The following UPRT variants were observed in gnomAD, a reference collection of about 807,000 sequenced individuals.
UPRT encodes uracil phosphoribosyltransferase homolog.
UPRT carries 5 observed loss-of-function variants against 22.6 expected under a neutral mutation model. That is an observed-to-expected ratio of 0.22 (90% CI 0.12 to 0.47). UPRT has a LOEUF of 0.47. Among genes scored for constraint, UPRT ranks in the 20% least tolerant of loss-of-function variants. The pLI is 0.99. For synonymous variants in UPRT, 77 were observed against 87.7 expected, an observed-to-expected ratio of 0.88 and a Z score of 0.68; for missense variants, 181 against 239.9, an observed-to-expected ratio of 0.75 and a Z score of 1.62.
At chrX:75,164,923 C>T (rs1296280438) in intron 3 of UPRT, among the ~76,000 whole-genome samples, 1 of 111,661 alleles carries the variant, frequency 9.0e-6, no homozygotes, top group Non-Finnish European at 1.9e-5. Flanking sequence ...CACGAGGTTG[C>T]TGTGAGGTTC....
chrX:75,267,647 C>A (rs1287879377), intron 4 of UPRT, among the ~76,000 whole-genome samples: 1 of 112,023 alleles, frequency 8.9e-6, no homozygotes, highest in Non-Finnish European at 1.9e-5. Flanking sequence ...GAACAACCTC[C>A]TCCTGAATGA....
chrX:75,184,500 G>A (rs1410222128), intron 4 of UPRT, among the ~76,000 whole-genome samples: 13 of 104,926 alleles, frequency 1.2e-4, no homozygotes, highest in African/African-American at 2.1e-4. Context: ...TTGACTTGGC[G>A]ATGCGGGCTC....
intron 4 of UPRT, among the ~76,000 whole-genome samples, chrX:75,186,887 C>A (rs1176900909): frequency 9.0e-6 from 1 of 111,480 alleles, no homozygotes; most frequent in Admixed American, 9.6e-5. Context: ...AGATCTTCCT[C>A]CATCCCTTTA....
intron 4 of UPRT, among the ~76,000 whole-genome samples, chrX:75,263,242 T>A (rs891651786): frequency 9.0e-6 from 1 of 111,717 alleles, no homozygotes; most frequent in African/African-American, 3.3e-5. Context: ...ATAAAATGAG[T>A]TAGGGAGGAT....
chrX:75,175,763 A>G (rs1200738546), intron 4 of UPRT, among the ~76,000 whole-genome samples: 5 of 111,566 alleles, frequency 4.5e-5, no homozygotes, highest in Non-Finnish European at 9.4e-5. Flanking sequence ...CACACTGATA[A>G]CAAGCCCTAC....
upstream of UPRT, among the ~76,000 whole-genome samples, chrX:75,272,961 G>A (rs2082616513): frequency 8.9e-6 from 1 of 111,945 alleles, no homozygotes; most frequent in African/African-American, 3.2e-5. Context: ...TAAAGAAAAT[G>A]TGGTACATAT....
chrX:75,188,612 C>T (rs1457300802), intron 4 of UPRT, among the ~76,000 whole-genome samples: 1 of 112,565 alleles, frequency 8.9e-6, no homozygotes, highest in Non-Finnish European at 1.9e-5. Context: ...GCGGGCGCCC[C>T]TCCCCGAGCC....
chrX:75,190,037 T>C (rs1288863805), intron 4 of UPRT, among the ~76,000 whole-genome samples: 2 of 111,975 alleles, frequency 1.8e-5, no homozygotes, highest in Admixed American at 1.9e-4. Flanking sequence ...TAGCTAGTTA[T>C]TTTGCTCATT....
chrX:75,203,790 TAA>T (rs1396367545), intron 4 of UPRT, among the ~76,000 whole-genome samples: 2 of 111,926 alleles, frequency 1.8e-5, no homozygotes, highest in African/African-American at 6.5e-5. Flanking sequence ...CAGAATATGA[TAA>T]GAGGCAGGCT....
At position 75,183,432 on chromosome X, in the gene UPRT, T is replaced by C. The variant is rs187227202; in HGVS notation, c.-447+15553T>C. 7.1e-5 allele frequency among the ~76,000 whole-genome samples: 8 copies of C among 111,946 alleles called. 1 individual carries two copies. Among genetic ancestry groups the C allele is most frequent in the African/African-American group, 2.3e-4 (7 of 30,831 alleles). On this transcript the variant is annotated intron_variant, in intron 4 of 13. Coordinates refer to the UPRT transcript ENST00000652605. ...TAATCCAGTCTATCATTATTGGACA[T>C]ATGGGTTGGTTCCAAGTCTTCGCTA...
intron 4 of UPRT, among the ~76,000 whole-genome samples, chrX:75,230,419 A>G (rs1291276370): frequency 3.6e-5 from 4 of 111,576 alleles, no homozygotes. Flanking sequence ...CCTGGCCAAC[A>G]TAGGGCAAGA....
At chrX:75,284,040 T>A (rs975080989) in intron 1 of UPRT, among the ~76,000 whole-genome samples, 1 of 111,925 alleles carries the variant, frequency 8.9e-6, no homozygotes, top group African/African-American at 3.2e-5. Context: ...TTCAAATACC[T>A]TGTCTTCAAG....
At chrX:75,218,330 A>C (rs1404455198) in intron 4 of UPRT, among the ~76,000 whole-genome samples, 1 of 110,464 alleles carries the variant, frequency 9.1e-6, no homozygotes, top group African/African-American at 3.3e-5. Flanking sequence ...AATCAAAACC[A>C]CAATGAGATA....
chrX:75,213,935 A>G (rs754872418), intron 4 of UPRT, among the ~76,000 whole-genome samples: 1 of 112,202 alleles, frequency 8.9e-6, no homozygotes, highest in African/African-American at 3.2e-5. Context: ...CAGAAAATTA[A>G]TAAGGACCTA....
At chrX:75,262,306 C>T (rs1337122271) in intron 4 of UPRT, among the ~76,000 whole-genome samples, 3 of 111,395 alleles carry the variant, frequency 2.7e-5, no homozygotes, top group African/African-American at 9.8e-5. Context: ...GAAAGAACAA[C>T]CAGTGCCAGC....
At chrX:75,185,334 C>T (rs1415271526) in intron 4 of UPRT, among the ~76,000 whole-genome samples, 6 of 111,698 alleles carry the variant, frequency 5.4e-5, no homozygotes, top group South Asian at 3.8e-4. Flanking sequence ...TATTGATTTG[C>T]GTATATTGAA....
chrX:75,178,384 G>A (rs761247368), intron 4 of UPRT, among the ~76,000 whole-genome samples: 3 of 111,783 alleles, frequency 2.7e-5, no homozygotes, highest in South Asian at 3.8e-4. Context: ...AGCGATAGGC[G>A]ATGGTCTCAC....
chrX:75,302,930 G>A (rs1377963620), intron 6 of UPRT, among the ~76,000 whole-genome samples: 4 of 110,201 alleles, frequency 3.6e-5, no homozygotes, highest in Non-Finnish European at 7.6e-5. Flanking sequence ...TAATAGAGAT[G>A]GGGTGTTGCC....
intron 4 of UPRT, among the ~76,000 whole-genome samples, chrX:75,233,749 A>G (rs1175555315): frequency 9.0e-6 from 1 of 111,223 alleles, no homozygotes; most frequent in Non-Finnish European, 1.9e-5. Flanking sequence ...AGATTTTGTC[A>G]CCACCAGGCC....
Sources: allele counts gnomAD v4.1 joint callset (sites outside exome capture counted in the v4.1 genomes callset), GRCh38; gene constraint gnomAD v4.1.1; transcripts MANE v1.5; gene names NCBI Gene and HGNC (gene_info 2026-07-23, HGNC 2026-07-21).